Variants in BRI3 observed in about 807,000 individuals in gnomAD.
BRI3 encodes the protein brain protein I3, also known as membrane protein BRI3.
Under a neutral mutation model 12.8 loss-of-function variants are expected in BRI3, and 6 were observed. The observed-to-expected ratio is 0.47, with a 90% CI of 0.26 to 0.93. The LOEUF (loss-of-function observed/expected upper bound fraction) is 0.93, where lower values mean the gene tolerates loss of function less well. Ranked by LOEUF, BRI3 falls within the 40% of genes least tolerant of loss-of-function variation. The pLI is 0.15. For missense variants in BRI3, 134 were observed against 171.1 expected (o/e 0.78, Z 1.21); for synonymous variants, 91 against 76.1 (o/e 1.20, Z -1.02).
chr7:98,284,212 AGTCCTTT>A (rs1486355394), intron 2 of BRI3, among the ~76,000 whole-genome samples: 1 of 152,116 alleles, frequency 6.6e-6, no homozygotes, highest in Non-Finnish European at 1.5e-5. Context: ...GGGGGTCCTT[AGTCCTTT>A]AAGTTGGGAC....
At chr7:98,285,710 A>T (rs1202961153) in intron 2 of BRI3, among the ~76,000 whole-genome samples, 2 of 152,102 alleles carry the variant, frequency 1.3e-5, no homozygotes, top group Non-Finnish European at 2.9e-5. Context: ...TTTCTTCCAC[A>T]GGGGAGGCGA....
chr7:98,313,737 G>A (rs1339596730), downstream of BRI3, among the ~76,000 whole-genome samples: 4 of 151,344 alleles, frequency 2.6e-5, no homozygotes, highest in African/African-American at 9.7e-5. Flanking sequence ...TTCCACCTCA[G>A]CCTCCTGAGT....
At chr7:98,310,655 C>A, downstream of BRI3, 1 of 1,317,674 alleles carries the variant, frequency 7.6e-7, no homozygotes. Flanking sequence ...ACACAGATTC[C>A]CAAGGCTGTT....
downstream of BRI3, among the ~76,000 whole-genome samples, chr7:98,297,773 C>T (rs1240978099): frequency 1.3e-5 from 2 of 152,212 alleles, no homozygotes; most frequent in African/African-American, 4.8e-5. Context: ...TGCGTGCAGG[C>T]CTGCACCGGG....
At chr7:98,316,673 G>A in the BRI3 span, among the ~76,000 whole-genome samples, 9 of 151,970 alleles carry the variant, frequency 5.9e-5, no homozygotes, top group African/African-American at 1.9e-4. Flanking sequence ...ATAATGCATC[G>A]CTGTTAACTA....
chr7:98,294,030 G>A, downstream of BRI3: 1 of 1,604,752 alleles, frequency 6.2e-7, no homozygotes, highest in Middle Eastern at 1.7e-4. Context: ...CTACAGGGAA[G>A]AGCAATGTCA....
At chr7:98,287,719 C>A (rs116839732) in intron 2 of BRI3, among the ~76,000 whole-genome samples, 338 of 152,330 alleles carry the variant, frequency 2.2e-3, no homozygotes, top group African/African-American at 7.9e-3. Context: ...CGCTGCTGCT[C>A]TTGGACTTGG....
At chr7:98,281,972 T>C in intron 1 of BRI3, 35 bp downstream of exon 1, 1 of 1,286,222 alleles carries the variant, frequency 7.8e-7, no homozygotes, top group South Asian at 2.5e-5. Flanking sequence ...GCCGGCGGCT[T>C]CCGAGGTGGC....
exon 2 of BRI3, chr7:98,308,116 G>A (rs752475244): frequency 1.5e-6 from 1 of 672,704 alleles, no homozygotes; most frequent in South Asian, 1.5e-5. Context: ...CATGCACCGT[G>A]CAGAAGAGGA....
chr7:98,304,309 G>A, upstream of BRI3: 1 of 1,613,500 alleles, frequency 6.2e-7, no homozygotes, highest in Non-Finnish European at 8.5e-7. Flanking sequence ...AAGTAGTCGG[G>A]TGGGGGGATG....
chr7:98,310,247 A>T, exon 2 of BRI3: 1 of 542,712 alleles, frequency 1.8e-6, no homozygotes, highest in Non-Finnish European at 3.2e-6. Context: ...GAAATGTATC[A>T]CTTATCAGAG....
downstream of BRI3, chr7:98,294,000 G>C (rs73147337): frequency 6.5e-7 from 1 of 1,528,808 alleles, no homozygotes; most frequent in African/African-American, 1.4e-5. Flanking sequence ...GCTGGGCACC[G>C]AAGGCCCTTC....
chr7:98,303,724 G>A (rs1166396250), upstream of BRI3, among the ~76,000 whole-genome samples: 1 of 152,118 alleles, frequency 6.6e-6, no homozygotes, highest in Admixed American at 6.5e-5. Flanking sequence ...CAGGGTTATC[G>A]TTAACCCTAA....
chr7:98,308,390 G>A (rs1161811272), exon 2 of BRI3: 2 of 420,178 alleles, frequency 4.8e-6, no homozygotes, highest in African/African-American at 2.0e-5. Flanking sequence ...GGCCTAAGAA[G>A]GACAAGGTGA....
At chr7:98,299,443 C>T (rs1442429196) in intron 1 of BRI3, among the ~76,000 whole-genome samples, 1 of 152,170 alleles carries the variant, frequency 6.6e-6, no homozygotes, top group Non-Finnish European at 1.5e-5. Flanking sequence ...CAGGTGTGAG[C>T]CACCGTGCCC....
At position 98,281,716 on chromosome 7, in the gene BRI3, T is replaced by TC. The variant is rs1261121165; in HGVS notation, c.-76dup. ...GGCCCGAGCCACCCGGTCCGCCGCG[T>TC]CCCCGCCGCCGCCGCCGCGTCCCCC... On this transcript the variant is annotated 5_prime_UTR_variant, in exon 1 of 3. Transcript: ENST00000297290. 2 of 684,392 alleles carry TC rather than the reference T, an allele frequency of 2.9e-6. No individual in the cohort carries two copies. Among genetic ancestry groups the TC allele is most frequent in the South Asian group, 1.3e-4 (2 of 15,258 alleles). The allele number at this position is 684,392 out of a possible 1,614,324, so 42.4% of individuals were successfully genotyped here. A position where few individuals can be genotyped will look rare whatever the true frequency, so the allele number is the denominator to read the frequency against.
upstream of BRI3, among the ~76,000 whole-genome samples, chr7:98,302,510 C>T (rs1203203944): frequency 6.6e-6 from 1 of 152,224 alleles, no homozygotes; most frequent in Admixed American, 6.5e-5. Context: ...ACACAACAGT[C>T]AAACAAGCAA....
At chr7:98,304,184 G>A (rs975622476), upstream of BRI3, 57 of 1,566,586 alleles carry the variant, frequency 3.6e-5, no homozygotes, top group Non-Finnish European at 4.5e-5. Context: ...GCCCTGCTGC[G>A]GCTTTACTCA....
At chr7:98,319,713 A>AT in the BRI3 span, among the ~76,000 whole-genome samples, 34 of 151,124 alleles carry the variant, frequency 2.2e-4, no homozygotes, top group African/African-American at 6.3e-4. Flanking sequence ...TGCTCAGCTA[A>AT]TTTTTTTTTG....
Sources: allele counts gnomAD v4.1 joint callset (sites outside exome capture counted in the v4.1 genomes callset), GRCh38; gene constraint gnomAD v4.1.1; transcripts MANE v1.5; gene names NCBI Gene and HGNC (gene_info 2026-07-23, HGNC 2026-07-21).